Variants in ATP8A2 observed in about 807,000 individuals in gnomAD.
ATP8A2 encodes ATPase phospholipid transporting 8A2.
ATP8A2 carries 100 observed loss-of-function variants against 165.6 expected under a neutral mutation model. That is an observed-to-expected ratio of 0.60 (90% CI 0.51 to 0.71). The LOEUF is 0.71. Among genes scored for constraint, ATP8A2 ranks in the 30% least tolerant of loss-of-function variants. The pLI is 0.00. For missense variants in ATP8A2, 1,227 were observed against 1,479.5 expected (o/e 0.83, Z 2.80); for synonymous variants, 543 against 548.8 (o/e 0.99, Z 0.15).
At chr13:25,530,949 G>A (rs1035407768) in intron 4 of ATP8A2, among the ~76,000 whole-genome samples, 1 of 152,044 alleles carries the variant, frequency 6.6e-6, no homozygotes, top group African/African-American at 2.4e-5. Context: ...GCTAATTTGG[G>A]CAGCAAATGA....
intron 24 of ATP8A2, among the ~76,000 whole-genome samples, chr13:25,649,632 T>C (rs906595375): frequency 1.3e-5 from 2 of 152,176 alleles, no homozygotes; most frequent in Non-Finnish European, 2.9e-5. Context: ...GGGTAGGGTC[T>C]TGGGGTAAGC....
chr13:25,883,481 C>G (rs1451599530), intron 33 of ATP8A2, among the ~76,000 whole-genome samples: 1 of 152,196 alleles, frequency 6.6e-6, no homozygotes, highest in Non-Finnish European at 1.5e-5. Flanking sequence ...GTGTGCAAGT[C>G]TCTCACCCAC....
At chr13:25,544,187 C>T (rs2038570433) in intron 10 of ATP8A2, among the ~76,000 whole-genome samples, 1 of 152,184 alleles carries the variant, frequency 6.6e-6, no homozygotes, top group Admixed American at 6.5e-5. Context: ...GGCTTATCCT[C>T]GGGGAGCCAG....
chr13:25,972,624 C>A (rs183931814), intron 35 of ATP8A2, among the ~76,000 whole-genome samples: 1 of 152,156 alleles, frequency 6.6e-6, no homozygotes, highest in African/African-American at 2.4e-5. Flanking sequence ...GGAACCCCCC[C>A]GCACCGCACA....
intron 1 of ATP8A2, among the ~76,000 whole-genome samples, chr13:25,426,589 T>C (rs116681646): frequency 0.03 from 4,506 of 152,262 alleles, 105 homozygotes; most frequent in South Asian, 0.11. Context: ...TATACACTTG[T>C]CCAGACCATA....
intron 35 of ATP8A2, among the ~76,000 whole-genome samples, chr13:26,007,673 C>T (rs1360694973): frequency 2.6e-5 from 4 of 152,142 alleles, no homozygotes; most frequent in Non-Finnish European, 5.9e-5. Context: ...CAAAACATAA[C>T]TAAGCTCAAA....
At chr13:25,542,916 T>G (rs2038528705) in intron 9 of ATP8A2, among the ~76,000 whole-genome samples, 2 of 152,110 alleles carry the variant, frequency 1.3e-5, no homozygotes, top group Non-Finnish European at 2.9e-5. Flanking sequence ...ACACTAGATT[T>G]ATTTTACAAA....
At chr13:25,885,841 C>T (rs754081578) in intron 33 of ATP8A2, among the ~76,000 whole-genome samples, 1 of 152,156 alleles carries the variant, frequency 6.6e-6, no homozygotes, top group Non-Finnish European at 1.5e-5. Context: ...TATCTAGACT[C>T]ACACGATTCT....
chr13:25,436,120 T>C (rs1427008718), intron 1 of ATP8A2, among the ~76,000 whole-genome samples: 1 of 151,912 alleles, frequency 6.6e-6, no homozygotes, highest in Non-Finnish European at 1.5e-5. Flanking sequence ...TAAAAAATAA[T>C]TTCAACTTTT....
At chr13:25,869,545 A>G (rs1358092273) in intron 33 of ATP8A2, among the ~76,000 whole-genome samples, 2 of 152,230 alleles carry the variant, frequency 1.3e-5, no homozygotes, top group Non-Finnish European at 2.9e-5. Context: ...TGTAATATCC[A>G]TACTTGCGTT....
chr13:25,763,795 C>G (rs1438084279), intron 25 of ATP8A2, among the ~76,000 whole-genome samples: 1 of 152,184 alleles, frequency 6.6e-6, no homozygotes, highest in Non-Finnish European at 1.5e-5. Flanking sequence ...GCCTGGACAC[C>G]TGGGTTGTGT....
chr13:25,458,577 A>C (rs1352878406), intron 1 of ATP8A2, among the ~76,000 whole-genome samples: 1 of 152,206 alleles, frequency 6.6e-6, no homozygotes. Flanking sequence ...GAGTGTTTGG[A>C]ATCCAGAAGA....
chr13:25,561,458 C>G (rs974398165), intron 15 of ATP8A2, among the ~76,000 whole-genome samples: 6 of 151,908 alleles, frequency 3.9e-5, no homozygotes. Context: ...TTTCAGTTTT[C>G]GAAAGCATTC....
In ATP8A2 at chr13:25,469,029, GGC is replaced by G. The variant is rs774959381; in HGVS notation, c.130_131del (p.Ala44HisfsTer46). On this transcript the variant is annotated frameshift_variant, in exon 2 of 37. Transcript: ENST00000381655. LOFTEE classifies it high-confidence loss of function. ...AGAAGGCAGAGGATGAGATGTCCCG[GGC>G]CACGTCTGTTGGAGACCAGCTGGAG... ...YKKAEDEMSR[A>X]TSVGDQLEAP... 39 of 1,613,942 alleles carry G rather than the reference GGC, an allele frequency of 2.4e-5. No individual in the cohort carries two copies. The highest frequency in any genetic ancestry group is 3.2e-5 in the Non-Finnish European group (38 of 1,179,920).
At chr13:25,920,993 C>T (rs1269947437) in intron 33 of ATP8A2, among the ~76,000 whole-genome samples, 1 of 152,068 alleles carries the variant, frequency 6.6e-6, no homozygotes, top group Non-Finnish European at 1.5e-5. Flanking sequence ...TCTCCTGAGC[C>T]TGGGAGGTCG....
At chr13:25,722,312 C>T (rs1465336832) in intron 25 of ATP8A2, among the ~76,000 whole-genome samples, 1 of 152,178 alleles carries the variant, frequency 6.6e-6, no homozygotes, top group Non-Finnish European at 1.5e-5. Context: ...CCAGGGCCTT[C>T]ATCAATAGAT....
At chr13:25,862,465 C>A in intron 33 of ATP8A2, 57 bp downstream of exon 33, 2 of 1,366,666 alleles carry the variant, frequency 1.5e-6, no homozygotes, top group South Asian at 1.2e-5. Context: ...AATGTTTCTC[C>A]ATGGGCGGGT....
At position 25,830,100 on chromosome 13, in the gene ATP8A2, C is replaced by T. The variant is rs116994697; in HGVS notation, c.2754+1908C>T. 6.6e-4 allele frequency among the ~76,000 whole-genome samples: 100 copies of T among 151,674 alleles called. No homozygotes were observed. The East Asian group carries it at 0.018, about 27-fold the overall frequency. ...CACTACTCACTGTATCCTTGACCTC[C>T]CTGGCTCAAGCAATCCTCCCACCTC... is the stretch of plus-strand genomic sequence containing the variant. On this transcript the variant is annotated intron_variant, in intron 28 of 36. Transcript: ENST00000381655.
Position 25,504,923 on chromosome 13 carries a change from C to T in ATP8A2, c.222-25076C>T, listed in dbSNP as rs983684131. Reference sequence around the variant, plus strand: ...CTTGGGTCAGTGGGCTTGAGGCCATCGGACGCTATTAACTTCGGTTTGTAT... The same window carrying T: ...CTTGGGTCAGTGGGCTTGAGGCCATTGGACGCTATTAACTTCGGTTTGTAT... On this transcript the variant is annotated intron_variant, in intron 2 of 36. Transcript: ENST00000381655. Among the ~76,000 whole-genome samples, 7 of 152,052 alleles carry T rather than the reference C, an allele frequency of 4.6e-5. No homozygotes were observed. The South Asian group carries it at 6.2e-4, about 14-fold the overall frequency.
Sources: allele counts gnomAD v4.1 joint callset (sites outside exome capture counted in the v4.1 genomes callset), GRCh38; gene constraint gnomAD v4.1.1; transcripts MANE v1.5; gene names NCBI Gene and HGNC (gene_info 2026-07-23, HGNC 2026-07-21).